OTC: variants seen among roughly 807,000 people sequenced by gnomAD.
OTC encodes ornithine transcarbamylase.
OTC carries 3 observed loss-of-function variants against 30.3 expected under a neutral mutation model. That is an observed-to-expected ratio of 0.10 (90% CI 0.05 to 0.26). The LOEUF (loss-of-function observed/expected upper bound fraction) is 0.26, where lower values mean the gene tolerates loss of function less well. Among genes scored for constraint, OTC ranks in the 10% least tolerant of loss-of-function variants. The pLI is 1.00. For synonymous variants in OTC, 111 were observed against 99.7 expected (o/e 1.11, Z -0.67); for missense variants, 194 against 260.3 (o/e 0.75, Z 1.75).
At chrX:38,418,297 C>T (rs2068579469) in intron 9 of OTC, among the ~76,000 whole-genome samples, 1 of 111,760 alleles carries the variant, frequency 8.9e-6, no homozygotes, top group African/African-American at 3.3e-5. Context: ...GGAAAAATGC[C>T]TGTTCAGGTC....
the OTC span, among the ~76,000 whole-genome samples, chrX:38,338,449 G>A: frequency 8.9e-6 from 1 of 112,132 alleles, no homozygotes; most frequent in East Asian, 2.8e-4. Flanking sequence ...AGAGTCAGTT[G>A]CCTGTGGCTT....
chrX:38,394,860 G>A (rs143740356), intron 4 of OTC, among the ~76,000 whole-genome samples: 2,551 of 107,508 alleles, frequency 0.024, 77 homozygotes, highest in African/African-American at 0.083. Context: ...TGTACATACG[G>A]CTGACTTTCT....
chrX:38,336,365 G>C, the OTC span, among the ~76,000 whole-genome samples: 1 of 108,953 alleles, frequency 9.2e-6, no homozygotes, highest in East Asian at 2.9e-4. Flanking sequence ...TTCTCCTGCT[G>C]TGATTTCATT....
At chrX:38,406,311 T>G (rs913348287) in intron 6 of OTC, among the ~76,000 whole-genome samples, 2 of 112,279 alleles carry the variant, frequency 1.8e-5, no homozygotes, top group Non-Finnish European at 3.8e-5. Flanking sequence ...CAAGAATAAC[T>G]TACATGTTCA....
chrX:38,391,047 A>G (rs1226008930), intron 4 of OTC, among the ~76,000 whole-genome samples: 1 of 111,476 alleles, frequency 9.0e-6, no homozygotes, highest in Non-Finnish European at 1.9e-5. Flanking sequence ...ATTTATAGCA[A>G]CCATCCTTTT....
chrX:38,417,394 G>T (rs1324284500), intron 9 of OTC, among the ~76,000 whole-genome samples: 1 of 111,199 alleles, frequency 9.0e-6, no homozygotes, highest in Admixed American at 9.6e-5. Context: ...GAAAAATGAG[G>T]ATAAAAAATA....
At chrX:38,358,526 C>T (rs1467628343) in intron 1 of OTC, among the ~76,000 whole-genome samples, 2 of 110,896 alleles carry the variant, frequency 1.8e-5, no homozygotes, top group African/African-American at 6.6e-5. Flanking sequence ...ATTTCCTGCC[C>T]CACCTCCTGG....
the OTC span, among the ~76,000 whole-genome samples, chrX:38,338,967 C>A: frequency 2.7e-5 from 3 of 112,087 alleles, no homozygotes; most frequent in Admixed American, 9.5e-5. Context: ...CAGACTGGAT[C>A]ATGTGCCCAT....
At chrX:38,348,954 A>C (rs2068202072), upstream of OTC, among the ~76,000 whole-genome samples, 1 of 111,705 alleles carries the variant, frequency 9.0e-6, no homozygotes, top group Non-Finnish European at 1.9e-5. Flanking sequence ...CTGGGACTAA[A>C]CTTGAGAGTG....
chrX:38,378,800 T>C lies in OTC; in HGVS notation c.299-2542T>C, dbSNP rs147817381. Among the ~76,000 whole-genome samples the C allele has an allele frequency of 2.1e-3, 238 of 112,236 alleles. 2 individuals are homozygous for C. The East Asian group carries it at 0.059, about 28-fold the overall frequency. ...TGCACCAGGAAGATATGAAAAAGTT[T>C]ATTACTCACATCATGTGGCTTTCTG... On this transcript the variant is annotated intron_variant, in intron 3 of 9. Coordinates refer to ENST00000039007, the MANE Select transcript of OTC (RefSeq NM_000531.6).
At position 38,388,439 on chromosome X, in the gene OTC, CT is replaced by C. The variant is rs749324119; in HGVS notation, c.386+7023del. Among the ~76,000 whole-genome samples, 928 of 103,010 alleles carry C rather than the reference CT, an allele frequency of 9.0e-3. 5 individuals carry two copies. The highest frequency in any genetic ancestry group is 0.027 in the African/African-American group (778 of 28,684). The allele number at this position is 103,010 out of a possible 115,157, so 89.5% of individuals were successfully genotyped here. A position where few individuals can be genotyped will look rare whatever the true frequency, so the allele number is the denominator to read the frequency against. ...CTACTGGGGTTATGAACTGGATATT[CT>C]TTTTTTTTTTTTCCTTGTTCTGGGC... On this transcript the variant is annotated intron_variant, in intron 4 of 9. Transcript: ENST00000039007.
At chrX:38,361,312 A>AT (rs2068270678) in intron 1 of OTC, among the ~76,000 whole-genome samples, 1 of 111,586 alleles carries the variant, frequency 9.0e-6, no homozygotes. Context: ...TAAAAAAAAA[A>AT]AATACTGATA....
chrX:38,410,400 A>G (rs887701276), intron 8 of OTC, among the ~76,000 whole-genome samples: 2 of 111,993 alleles, frequency 1.8e-5, no homozygotes, highest in African/African-American at 3.2e-5. Context: ...GCTGTATATT[A>G]TAGTTATTTT....
intron 4 of OTC, among the ~76,000 whole-genome samples, chrX:38,382,428 A>G (rs766195795): frequency 8.9e-6 from 1 of 112,511 alleles, no homozygotes; most frequent in South Asian, 3.7e-4. Context: ...TTTCTTGCAG[A>G]TAACGTCTGC....
At chrX:38,421,571 A>T (rs935985509), downstream of OTC, 4 of 124,748 alleles carry the variant, frequency 3.2e-5, no homozygotes, top group African/African-American at 1.3e-4. Flanking sequence ...TTTCAGGCCA[A>T]TGAGGTAGAC....
At chrX:38,388,540 A>G (rs2068415398) in intron 4 of OTC, among the ~76,000 whole-genome samples, 1 of 110,591 alleles carries the variant, frequency 9.0e-6, no homozygotes, top group South Asian at 3.9e-4. Flanking sequence ...GAAGATTTAA[A>G]TCATATGGAA....
At chrX:38,414,761 G>A (rs1176915261) in intron 9 of OTC, among the ~76,000 whole-genome samples, 2 of 111,933 alleles carry the variant, frequency 1.8e-5, no homozygotes, top group South Asian at 7.5e-4. Flanking sequence ...CAGAAAGAGT[G>A]GCATAACTGA....
chrX:38,374,509 C>T (rs1026702292), intron 3 of OTC, among the ~76,000 whole-genome samples: 1 of 111,006 alleles, frequency 9.0e-6, no homozygotes, highest in Non-Finnish European at 1.9e-5. Context: ...AGTATTTCCT[C>T]CCCATTTAAT....
chrX:38,335,566 A>C, the OTC span, among the ~76,000 whole-genome samples: 1 of 112,591 alleles, frequency 8.9e-6, no homozygotes, highest in African/African-American at 3.2e-5. Context: ...GACAGAAAAA[A>C]TTGAGGAGGA....
Sources: gnomAD v4.1 joint callset for allele counts (sites outside exome capture counted in the v4.1 genomes callset) on GRCh38, gnomAD v4.1.1 for gene constraint, MANE v1.5 for transcripts, NCBI Gene and HGNC (gene_info 2026-07-23, HGNC 2026-07-21) for gene names.